Variants in VWA8 observed in about 807,000 individuals in gnomAD.
VWA8 encodes the protein von Willebrand factor A domain-containing protein 8.
In VWA8, 221 loss-of-function variants were observed where a neutral mutation model predicts 241.5. The observed-to-expected ratio is 0.91, with a 90% CI of 0.82 to 1.02. The LOEUF is 1.02. Ranked by LOEUF, VWA8 falls within the 50% of genes least tolerant of loss-of-function variation. VWA8 has a pLI of 0.00. For synonymous variants in VWA8, 852 were observed against 827.1 expected, an observed-to-expected ratio of 1.03 and a Z score of -0.52; for missense variants, 2,322 against 2,328.7, an observed-to-expected ratio of 1.00 and a Z score of 0.06.
intron 12 of VWA8, among the ~76,000 whole-genome samples, chr13:41,840,751 C>T (rs1490560076): frequency 2.0e-5 from 3 of 147,872 alleles, no homozygotes; most frequent in Non-Finnish European, 4.5e-5. Flanking sequence ...AAAGTGAGAC[C>T]GTCTCAAAAA....
At position 41,960,860 on chromosome 13, in the gene VWA8, G is replaced by C; in HGVS notation, c.156C>G (p.Ala52=). Residue 52 remains alanine, a synonymous_variant, in exon 1 of 45, where the codon GCC becomes GCG. Coordinates refer to ENST00000379310, the MANE Select transcript of VWA8 (RefSeq NM_015058.2). ...GGGCGCACCCCGAGTTACCTGTGTC[G>C]GCCCCCGAGCCGGCGTGCAACAGTC... The part of the protein sequence containing the change: ...EVRLLHAGSG[A]DTGDTVNIGD... 6.6e-7 allele frequency: 1 copy of C among 1,518,264 alleles called. No individual in the cohort carries two copies. 94.0% of individuals were successfully genotyped at this position (1,518,264 alleles called of 1,614,324 possible). A position where few individuals can be genotyped will look rare whatever the true frequency, so the allele number is the denominator to read the frequency against.
chr13:41,570,506 A>G lies in VWA8; in HGVS notation c.5571T>C (p.Phe1857=), dbSNP rs749655353. 2 of 1,614,236 alleles carry G rather than the reference A, an allele frequency of 1.2e-6. No individual in the cohort carries two copies. Among genetic ancestry groups the G allele is most frequent in the Non-Finnish European group, 1.7e-6 (2 of 1,180,030 alleles). Residue 1857 remains phenylalanine, a synonymous_variant, in exon 44 of 45, where the codon TTT becomes TTC. Coordinates refer to ENST00000379310, the MANE Select transcript of VWA8 (RefSeq NM_015058.2). The stretch of plus-strand genomic sequence containing the variant: ...CACCTAAAGAGCCAATAAAAATGGC[A>G]AAAGCATTTACTTGAGGGTCTCTTG... ...ILTRDPQVNA[F]AIFIGSLGDQ... is the part of the protein sequence containing the mutation.
intron 39 of VWA8, among the ~76,000 whole-genome samples, chr13:41,607,306 G>C (rs1161119854): frequency 6.6e-6 from 1 of 152,156 alleles, no homozygotes; most frequent in Admixed American, 6.5e-5. Flanking sequence ...CTGAATGGTT[G>C]TATCTTGAGG....
chr13:41,671,552 G>A (rs772855236), intron 36 of VWA8, among the ~76,000 whole-genome samples: 11 of 151,242 alleles, frequency 7.3e-5, no homozygotes, highest in African/African-American at 1.2e-4. Context: ...GCATCCCCCC[G>A]CCCGCCAAAT....
intron 40 of VWA8, among the ~76,000 whole-genome samples, chr13:41,604,950 G>A (rs940852157): frequency 6.6e-6 from 1 of 152,120 alleles, no homozygotes; most frequent in Non-Finnish European, 1.5e-5. Flanking sequence ...GAAAGCAAGG[G>A]GAGGGCAGAA....
intron 26 of VWA8, among the ~76,000 whole-genome samples, chr13:41,715,113 A>G (rs1408636087): frequency 6.6e-6 from 1 of 151,928 alleles, no homozygotes; most frequent in Non-Finnish European, 1.5e-5. Flanking sequence ...AGATGCAATA[A>G]TATTATATAT....
chr13:41,701,888 G>A (rs886146866), intron 27 of VWA8, among the ~76,000 whole-genome samples: 8 of 152,152 alleles, frequency 5.3e-5, no homozygotes, highest in Admixed American at 3.9e-4. Flanking sequence ...AGAATAATTC[G>A]CAAATGAATG....
intron 9 of VWA8, among the ~76,000 whole-genome samples, chr13:41,879,289 T>C (rs571059849): frequency 1.1e-4 from 17 of 151,890 alleles, no homozygotes; most frequent in Non-Finnish European, 2.2e-4. Flanking sequence ...CATTTCCACA[T>C]GGTTCTTAAT....
rs563834544 is a variant in VWA8, at chr13:41,961,010, T to C, written c.6A>G (p.Gln2=). ...GTGCCCCGAGGAGTAGAAGCCGGGA[T>C]TGCATGGCGCCGGGGGGGCTGTCGG... is the stretch of plus-strand genomic sequence containing the variant. M[Q]SRLLLLGAPG... is the part of the protein sequence containing the mutation. The change falls in exon 1 of 45, where the codon CAA becomes CAG. Residue 2 remains glutamine, a synonymous_variant. Coordinates refer to ENST00000379310, the MANE Select transcript of VWA8 (RefSeq NM_015058.2). 1.6e-5 allele frequency: 22 copies of C among 1,377,272 alleles called. No homozygotes were observed. The highest frequency in any genetic ancestry group is 3.7e-5 in the Admixed American group (1 of 26,878). The allele number at this position is 1,377,272 out of a possible 1,614,324, so 85.3% of individuals were successfully genotyped here. A position where few individuals can be genotyped will look rare whatever the true frequency, so the allele number is the denominator to read the frequency against.
In VWA8 at chr13:41,848,431, TATAATCCCC is replaced by T. The variant is rs554794111; in HGVS notation, c.1426-14909_1426-14901del. The stretch of plus-strand genomic sequence containing the variant: ...TCCCCACCCAAATCTCACCTCGAAT[TATAATCCCC>T]ATAATCCCCATGTGTCATGGGCGGA... On this transcript the variant is annotated intron_variant, in intron 12 of 44. Coordinates refer to ENST00000379310, the MANE Select transcript of VWA8 (RefSeq NM_015058.2). 1.3e-3 allele frequency among the ~76,000 whole-genome samples: 205 copies of T among 152,262 alleles called. 1 individual carries two copies. The highest frequency in any genetic ancestry group is 2.7e-3 in the Non-Finnish European group (183 of 68,016).
intron 2 of VWA8, among the ~76,000 whole-genome samples, chr13:41,944,401 CT>C (rs1337105916): frequency 2.6e-5 from 4 of 152,070 alleles, no homozygotes; most frequent in African/African-American, 9.7e-5. Context: ...GGGTCTCACT[CT>C]GTTGTTCAAG....
At chr13:41,898,930 G>A (rs1317560373) in intron 4 of VWA8, among the ~76,000 whole-genome samples, 3 of 152,120 alleles carry the variant, frequency 2.0e-5, no homozygotes, top group East Asian at 1.9e-4. Flanking sequence ...CGCAAGCGCC[G>A]CGCGCAGCCC....
intron 28 of VWA8, among the ~76,000 whole-genome samples, chr13:41,700,149 A>G (rs142626987): frequency 6.6e-6 from 1 of 152,332 alleles, no homozygotes; most frequent in East Asian, 1.9e-4. Flanking sequence ...ATTTTACAAC[A>G]GTCATATTTT....
intron 12 of VWA8, among the ~76,000 whole-genome samples, chr13:41,844,315 T>C (rs1398288833): frequency 1.3e-5 from 2 of 152,046 alleles, no homozygotes; most frequent in African/African-American, 2.4e-5. Flanking sequence ...CTCAACAACC[T>C]AGGCACTGAA....
intron 40 of VWA8, among the ~76,000 whole-genome samples, chr13:41,593,476 G>A (rs182725728): frequency 8.5e-4 from 130 of 152,264 alleles, no homozygotes; most frequent in African/African-American, 3.0e-3. Context: ...CAGTCTACTA[G>A]AATCTCTTCC....
chr13:41,953,304 A>C (rs1267855380), intron 1 of VWA8, among the ~76,000 whole-genome samples: 4 of 152,248 alleles, frequency 2.6e-5, no homozygotes, highest in Non-Finnish European at 5.9e-5. Flanking sequence ...ACCCAACAAC[A>C]GAATGCATAT....
intron 40 of VWA8, among the ~76,000 whole-genome samples, chr13:41,597,946 C>A (rs932192183): frequency 6.6e-6 from 1 of 152,038 alleles, no homozygotes; most frequent in East Asian, 1.9e-4. Flanking sequence ...CATCTCCATG[C>A]CTAGCCTTAG....
chr13:41,674,008 T>C (rs760258140), intron 36 of VWA8, among the ~76,000 whole-genome samples: 1 of 152,246 alleles, frequency 6.6e-6, no homozygotes, highest in Non-Finnish European at 1.5e-5. Context: ...CTTGAATTAG[T>C]ATATTTTAAT....
At chr13:41,685,355 A>G in intron 34 of VWA8, 113 bp from the exon 35 acceptor site, 1 of 1,038,670 alleles carries the variant, frequency 9.6e-7, no homozygotes, top group Non-Finnish European at 1.4e-6. Flanking sequence ...TTTCACAGGT[A>G]TAAGAAAATC....
Sources: gnomAD v4.1 joint callset for allele counts (sites outside exome capture counted in the v4.1 genomes callset) on GRCh38, gnomAD v4.1.1 for gene constraint, MANE v1.5 for transcripts, NCBI Gene and HGNC (gene_info 2026-07-23, HGNC 2026-07-21) for gene names.